PRKAR1A: variants seen among roughly 807,000 people sequenced by gnomAD.
PRKAR1A encodes protein kinase cAMP-dependent type I regulatory subunit alpha.
Under a neutral mutation model 52.0 loss-of-function variants are expected in PRKAR1A, and 3 were observed. The observed-to-expected ratio is 0.06, with a 90% CI of 0.03 to 0.15. PRKAR1A has a LOEUF of 0.15. PRKAR1A is among the 10% of genes least tolerant of loss of function. The pLI is 1.00. For synonymous variants in PRKAR1A, 188 were observed against 168.4 expected (o/e 1.12, Z -0.90); for missense variants, 240 against 477.4 (o/e 0.50, Z 4.63).
At chr17:68,427,011 GAA>G in the PRKAR1A span, 1 of 760,514 alleles carries the variant, frequency 1.3e-6, no homozygotes, top group East Asian at 2.5e-5. Context: ...AGTGAAGGGG[GAA>G]GGGGAGGGAG....
At chr17:68,474,922 A>G in the PRKAR1A span, among the ~76,000 whole-genome samples, 1 of 152,182 alleles carries the variant, frequency 6.6e-6, no homozygotes, top group African/African-American at 2.4e-5. Context: ...AAAATGCCCA[A>G]GTTTTCCTAT....
rs773746028 is a variant in PRKAR1A, at chr17:68,529,931, T to C, written c.903T>C (p.Ala301=). 4 of 1,613,988 alleles carry C rather than the reference T, an allele frequency of 2.5e-6. No homozygotes were observed. The highest frequency in any genetic ancestry group is 1.7e-6 in the Non-Finnish European group (2 of 1,179,966). The change falls in exon 10 of 11, where the codon GCT becomes GCC. Residue 301 remains alanine, a synonymous_variant. Transcript: ENST00000589228. Reference sequence around the variant, plus strand: ...TGATTTTATTATAGGGGTCAGCTGCTGTGCTACAACGTCGGTCAGAAAATG... The same window carrying C: ...TGATTTTATTATAGGGGTCAGCTGCCGTGCTACAACGTCGGTCAGAAAATG... ...EFFIILEGSA[A]VLQRRSENEE...
At chr17:68,525,337 CA>C (rs74768416) in intron 6 of PRKAR1A, among the ~76,000 whole-genome samples, 22,197 of 149,904 alleles carry the variant, frequency 0.15, 1,682 homozygotes, top group South Asian at 0.2. Flanking sequence ...CATTAGCTAG[CA>C]AAATTAATAT....
chr17:68,471,893 C>A, the PRKAR1A span, among the ~76,000 whole-genome samples: 2 of 152,026 alleles, frequency 1.3e-5, 1 homozygote, highest in Non-Finnish European at 2.9e-5. Context: ...CTCTGCCTCC[C>A]AGGTTCAAGC....
At chr17:68,500,728 G>C in the PRKAR1A span, among the ~76,000 whole-genome samples, 1 of 152,104 alleles carries the variant, frequency 6.6e-6, no homozygotes, top group African/African-American at 2.4e-5. Flanking sequence ...TGTTGGTTAG[G>C]CTGGTCTTGA....
chr17:68,463,975 T>G, the PRKAR1A span, among the ~76,000 whole-genome samples: 1 of 152,200 alleles, frequency 6.6e-6, no homozygotes, highest in Non-Finnish European at 1.5e-5. Context: ...CCCAAGTACT[T>G]TCCAAGCTTA....
chr17:68,483,246 A>G, the PRKAR1A span, among the ~76,000 whole-genome samples: 11 of 151,886 alleles, frequency 7.2e-5, no homozygotes, highest in East Asian at 1.6e-3. Flanking sequence ...TTTGGGAGGC[A>G]GAGGTGGGTG....
downstream of PRKAR1A, chr17:68,535,725 T>C (rs189885794): frequency 2.2e-6 from 1 of 451,540 alleles, no homozygotes; most frequent in African/African-American, 2.0e-5. Context: ...TTACCCAGGC[T>C]GGTCTCGAGC....
the PRKAR1A span, among the ~76,000 whole-genome samples, chr17:68,496,135 G>A: frequency 5.1e-5 from 7 of 136,158 alleles, no homozygotes; most frequent in South Asian, 2.6e-4. Context: ...TCCGCCTCCC[G>A]GGGTCAAGCA....
chr17:68,477,337 T>A, the PRKAR1A span, among the ~76,000 whole-genome samples: 67 of 152,340 alleles, frequency 4.4e-4, no homozygotes, highest in African/African-American at 1.5e-3. Flanking sequence ...TTCATCATTA[T>A]CATGTAAATT....
the PRKAR1A span, among the ~76,000 whole-genome samples, chr17:68,431,833 A>G: frequency 3.4e-4 from 7 of 20,782 alleles, no homozygotes; most frequent in Non-Finnish European, 7.1e-4. Flanking sequence ...GCTCACAGAC[A>G]GAAACGGGAG....
At chr17:68,426,254 G>GGGGGGGGGGGGGGGA in the PRKAR1A span, 2 of 816,924 alleles carry the variant, frequency 2.4e-6, 1 homozygote, top group Non-Finnish European at 3.9e-6. Flanking sequence ...GGGAGCGGGG[G>GGGGGGGGGGGGGGGA]CTCAAATAAA....
At chr17:68,424,088 C>G in the PRKAR1A span, among the ~76,000 whole-genome samples, 1 of 152,130 alleles carries the variant, frequency 6.6e-6, no homozygotes, top group Non-Finnish European at 1.5e-5. Context: ...GAAGAACGCC[C>G]TTTAAGGCCA....
At chr17:68,498,050 C>G in the PRKAR1A span, among the ~76,000 whole-genome samples, 1 of 150,832 alleles carries the variant, frequency 6.6e-6, no homozygotes, top group Non-Finnish European at 1.5e-5. Context: ...ATGCAACCAC[C>G]TAAACACAGG....
upstream of PRKAR1A, among the ~76,000 whole-genome samples, chr17:68,507,510 G>A (rs972986760): frequency 1.3e-5 from 2 of 152,158 alleles, no homozygotes; most frequent in African/African-American, 2.4e-5. Flanking sequence ...GAGGCAGGGA[G>A]GGGGAGAATC....
the PRKAR1A span, among the ~76,000 whole-genome samples, chr17:68,476,119 CTATAA>C: frequency 2.0e-5 from 3 of 151,952 alleles, 1 homozygote; most frequent in South Asian, 4.1e-4. Context: ...GCTCTGTCTA[CTATAA>C]TATAATATTT....
At chr17:68,486,505 CCTTCTTTCTT>C in the PRKAR1A span, among the ~76,000 whole-genome samples, 2 of 39,150 alleles carry the variant, frequency 5.1e-5, no homozygotes, top group Non-Finnish European at 1.1e-4. Context: ...TTCCTTCCTT[CCTTCTTTCTT>C]TCTTTCTTTC....
chr17:68,527,351 G>C (rs770775518), intron 7 of PRKAR1A, among the ~76,000 whole-genome samples: 1 of 152,162 alleles, frequency 6.6e-6, no homozygotes, highest in Non-Finnish European at 1.5e-5. Flanking sequence ...TTAAATACCA[G>C]CGTTGAACAG....
At chr17:68,470,339 CA>C in the PRKAR1A span, among the ~76,000 whole-genome samples, 1 of 152,206 alleles carries the variant, frequency 6.6e-6, no homozygotes, top group Non-Finnish European at 1.5e-5. Flanking sequence ...CTTGGCCTCC[CA>C]AAGTGCTGGG....
Sources: allele counts gnomAD v4.1 joint callset (sites outside exome capture counted in the v4.1 genomes callset), GRCh38; gene constraint gnomAD v4.1.1; transcripts MANE v1.5; gene names NCBI Gene and HGNC (gene_info 2026-07-23, HGNC 2026-07-21).